Variants in ARL2BP observed in about 807,000 individuals in gnomAD.
ARL2BP encodes the protein ADP-ribosylation factor-like protein 2-binding protein.
ARL2BP carries 19 observed loss-of-function variants against 24.2 expected under a neutral mutation model. The observed-to-expected ratio is 0.79, with a 90% CI of 0.55 to 1.15. ARL2BP has a LOEUF of 1.15. Among genes scored for constraint, ARL2BP ranks in the 50% most tolerant of loss-of-function variants. ARL2BP has a pLI of 0.00. For missense variants in ARL2BP, 160 were observed against 190.4 expected, an observed-to-expected ratio of 0.84 and a Z score of 0.94; for synonymous variants, 56 against 70.5, an observed-to-expected ratio of 0.79 and a Z score of 1.03.
chr16:57,249,713 G>A, intron 3 of ARL2BP, 54 bp from the exon 4 acceptor site: 1 of 1,424,762 alleles, frequency 7.0e-7, no homozygotes. Context: ...TTTCTGAAAA[G>A]AAGTCTTGTT....
In ARL2BP at chr16:57,246,158, C is replaced by T; in HGVS notation, c.100+17C>T. The T allele has an allele frequency of 6.2e-7, 1 of 1,609,228 alleles. No homozygotes were observed. Among genetic ancestry groups the T allele is most frequent in the Non-Finnish European group, 8.5e-7 (1 of 1,176,606 alleles). On this transcript the variant is annotated intron_variant, in intron 2 of 5. Coordinates refer to ENST00000219204, the MANE Select transcript of ARL2BP (RefSeq NM_012106.4). ...TTATCATGGGTAAGCTTTTAAGATA[C>T]TGTTTTTAAGGACTTGCTTGTTTCT...
intron 2 of ARL2BP, 196 bp downstream of exon 2, chr16:57,246,337 A>C (rs1399520399): frequency 1.7e-6 from 1 of 588,310 alleles, no homozygotes; most frequent in Non-Finnish European, 3.0e-6. Flanking sequence ...GAAAACATCT[A>C]ATAAGCATAG....
In ARL2BP at chr16:57,252,643, G is replaced by A. The variant is rs892041313; in HGVS notation, c.*376G>A. On this transcript the variant is annotated 3_prime_UTR_variant, in exon 6 of 6. Coordinates refer to ENST00000219204, the MANE Select transcript of ARL2BP (RefSeq NM_012106.4). ...ACCACCCTCTGTTCCAGCAGGCTCT[G>A]CATGAATCTTTGTGCACTTGCACCT... 5.4e-5 allele frequency: 14 copies of A among 259,468 alleles called. No individual in the cohort carries two copies. The highest frequency in any genetic ancestry group is 2.7e-4 in the African/African-American group (12 of 44,964). 16.1% of individuals were successfully genotyped at this position (259,468 alleles called of 1,614,324 possible). A position where few individuals can be genotyped will look rare whatever the true frequency, so the allele number is the denominator to read the frequency against.
Position 57,250,510 on chromosome 16 carries a change from AAG to A in ARL2BP, c.390+4_390+5del. ...AAATGTTTTTGGACTACAGAGCAGTAAGTTACTACTCCTATTTATTTAGCCAC... is the reference window on the plus strand; with the variant it reads ...AAATGTTTTTGGACTACAGAGCAGTATTACTACTCCTATTTATTTAGCCAC... On this transcript the variant is annotated splice_donor_5th_base_variant and intron_variant, in intron 5 of 5. Coordinates refer to ENST00000219204, the MANE Select transcript of ARL2BP (RefSeq NM_012106.4). 2 of 1,611,044 alleles carry A rather than the reference AAG, an allele frequency of 1.2e-6. No individual in the cohort carries two copies. Among genetic ancestry groups the A allele is most frequent in the Non-Finnish European group, 1.7e-6 (2 of 1,177,230 alleles).
chr16:57,248,482 C>A (rs1744477866), intron 2 of ARL2BP, 55 bp from the exon 3 acceptor site: 1 of 1,084,740 alleles, frequency 9.2e-7, no homozygotes, highest in Admixed American at 2.0e-5. Context: ...ACTTATAAAT[C>A]ATAATGGTTG....
In ARL2BP at chr16:57,253,417, A is replaced by G. The variant is rs2075414740; in HGVS notation, c.*1150A>G. 1 of 152,078 alleles carries G rather than the reference A, an allele frequency of 6.6e-6. No individual in the cohort carries two copies. Among genetic ancestry groups the G allele is most frequent in the Non-Finnish European group, 1.5e-5 (1 of 68,010 alleles). The allele number at this position is 152,078 out of a possible 1,614,324, so 9.4% of individuals were successfully genotyped here. A position where few individuals can be genotyped will look rare whatever the true frequency, so the allele number is the denominator to read the frequency against. ...ATCAGAAAACATATATGTCATCTCT[A>G]GAACGAAGAAAAAGCATAGTAGTTC... On this transcript the variant is annotated 3_prime_UTR_variant, in exon 6 of 6. Coordinates refer to ENST00000219204, the MANE Select transcript of ARL2BP (RefSeq NM_012106.4).
Position 57,252,161 on chromosome 16 carries a change from T to C in ARL2BP, c.391-5T>C. The C allele has an allele frequency of 6.2e-7, 1 of 1,613,342 alleles. No individual in the cohort carries two copies. The highest frequency in any genetic ancestry group is 8.5e-7 in the Non-Finnish European group (1 of 1,179,690). On this transcript the variant is annotated splice_region_variant and splice_polypyrimidine_tract_variant and intron_variant, in intron 5 of 5. Transcript: ENST00000219204. ...AGTCCTTCCTTTGGTTGTTTTCTCA[T>C]ATAGGAAAAAGAAGGCCGAGGACTG...
intron 1 of ARL2BP, 86 bp downstream of exon 1, chr16:57,245,491 C>G: frequency 6.5e-7 from 1 of 1,531,484 alleles, no homozygotes; most frequent in Non-Finnish European, 8.9e-7. Context: ...AAACAGGTGT[C>G]CTTAGGGGCC....
In ARL2BP at chr16:57,249,911, C is replaced by T. The variant is rs2075402159; in HGVS notation, c.293+59C>T. The T allele has an allele frequency of 2.7e-6, 4 of 1,496,922 alleles. No homozygotes were observed. In the South Asian group the frequency reaches 3.4e-5, roughly 13 times the overall value. 92.7% of individuals were successfully genotyped at this position (1,496,922 alleles called of 1,614,324 possible). ...TTTGTTTTCTCACTTTCTTCCTTCCCTAGGCTGACCAAAAGACGCTCCTTG... is the reference window on the plus strand; with the variant it reads ...TTTGTTTTCTCACTTTCTTCCTTCCTTAGGCTGACCAAAAGACGCTCCTTG... On this transcript the variant is annotated intron_variant, in intron 4 of 5. Coordinates refer to ENST00000219204, the MANE Select transcript of ARL2BP (RefSeq NM_012106.4).
At chr16:57,250,319 G>C in intron 4 of ARL2BP, 92 bp from the exon 5 acceptor site, 1 of 1,102,134 alleles carries the variant, frequency 9.1e-7, no homozygotes, top group Non-Finnish European at 1.4e-6. Context: ...TAATGCGGGG[G>C]GTGGGGCTGG....
At chr16:57,249,661 G>A in intron 3 of ARL2BP, 106 bp from the exon 4 acceptor site, 1 of 860,016 alleles carries the variant, frequency 1.2e-6, no homozygotes, top group Non-Finnish European at 1.9e-6. Flanking sequence ...GTAGATTGTG[G>A]CACACAGACC....
Position 57,252,308 on chromosome 16 carries a change from A to C in ARL2BP, c.*41A>C, listed in dbSNP as rs758441935. 1.2e-6 allele frequency: 2 copies of C among 1,613,968 alleles called. No individual in the cohort carries two copies. Among genetic ancestry groups the C allele is most frequent in the Non-Finnish European group, 1.7e-6 (2 of 1,180,024 alleles). On this transcript the variant is annotated 3_prime_UTR_variant, in exon 6 of 6. Coordinates refer to ENST00000219204, the MANE Select transcript of ARL2BP (RefSeq NM_012106.4). ...AATGAATGGGATCATTCTGGATGTC[A>C]CCAGCCCAATAGGCTCAGCTCATGA...
chr16:57,250,740 G>A, intron 5 of ARL2BP: 1 of 535,290 alleles, frequency 1.9e-6, no homozygotes, highest in Non-Finnish European at 3.3e-6. Flanking sequence ...AACCGAAAAA[G>A]CAGGTCTCAG....
intron 5 of ARL2BP, chr16:57,250,833 T>G (rs2075405237): frequency 3.9e-6 from 1 of 256,320 alleles, no homozygotes; most frequent in African/African-American, 2.3e-5. Flanking sequence ...TGGAGTGCAG[T>G]GGCACCATCT....
At chr16:57,249,743 C>T (rs1223538816) in intron 3 of ARL2BP, 24 bp from the exon 4 acceptor site, 1 of 1,603,694 alleles carries the variant, frequency 6.2e-7, no homozygotes, top group African/African-American at 1.3e-5. Context: ...TATGGTCTCA[C>T]CAAAATCCTT....
chr16:57,248,188 C>T (rs1460584098), intron 2 of ARL2BP: 1 of 155,508 alleles, frequency 6.4e-6, no homozygotes, highest in Non-Finnish European at 1.4e-5. Context: ...TGGCACACAC[C>T]TGTAATCCCA....
chr16:57,250,628 G>T (rs750498133), intron 5 of ARL2BP, 121 bp downstream of exon 5: 2 of 759,076 alleles, frequency 2.6e-6, no homozygotes, highest in Non-Finnish European at 4.5e-6. Context: ...GGCCGATGAG[G>T]CATCAGAAGA....
chr16:57,252,218 T>C lies in ARL2BP; in HGVS notation c.443T>C (p.Leu148Ser), dbSNP rs1471404995. The change falls in exon 6 of 6, where the codon TTG becomes TCG. Residue 148 changes from leucine to serine, a missense_variant. Physicochemically the swap from Leu to Ser is moderately radical, Grantham distance 145. Coordinates refer to ENST00000219204, the MANE Select transcript of ARL2BP (RefSeq NM_012106.4). Reference protein sequence around the residue: ...DLSSGLVVTSLCKSSSLPASQ... With the variant: ...DLSSGLVVTSSCKSSSLPASQ... ...AGCAGTGGCTTAGTGGTGACTTCATTGTGCAAATCATCTTCTCTGCCAGCT... is the reference window on the plus strand; with the variant it reads ...AGCAGTGGCTTAGTGGTGACTTCATCGTGCAAATCATCTTCTCTGCCAGCT... The C allele has an allele frequency of 1.2e-6, 2 of 1,614,194 alleles. No individual in the cohort carries two copies. The highest frequency in any genetic ancestry group is 1.7e-6 in the Non-Finnish European group (2 of 1,180,034).
chr16:57,252,476 C>G lies in ARL2BP; in HGVS notation c.*209C>G. 2 of 836,150 alleles carry G rather than the reference C, an allele frequency of 2.4e-6. No individual in the cohort carries two copies. The highest frequency in any genetic ancestry group is 2.5e-4 in the Middle Eastern group (1 of 3,990). The allele number at this position is 836,150 out of a possible 1,614,324, so 51.8% of individuals were successfully genotyped here. A position where few individuals can be genotyped will look rare whatever the true frequency, so the allele number is the denominator to read the frequency against. On this transcript the variant is annotated 3_prime_UTR_variant, in exon 6 of 6. Transcript: ENST00000219204. ...CTTCTTGTATTCATTAACCATAGTA[C>G]TCCTCCCCACCTCAAGTAGACACCT... is the stretch of plus-strand genomic sequence containing the variant.
Sources: allele counts gnomAD v4.1 joint callset, GRCh38; gene constraint gnomAD v4.1.1; transcripts MANE v1.5; gene names NCBI Gene and HGNC (gene_info 2026-07-23, HGNC 2026-07-21).